Variants in RCBTB2 observed in about 807,000 individuals in gnomAD.
RCBTB2 encodes RCC1 and BTB domain containing protein 2, also known as RCC1 and BTB domain-containing protein 2.
Under a neutral mutation model 65.4 loss-of-function variants are expected in RCBTB2, and 55 were observed. That is an observed-to-expected ratio of 0.84 (90% CI 0.68 to 1.05). The LOEUF is 1.05. Ranked by LOEUF, RCBTB2 falls within the 50% of genes least tolerant of loss-of-function variation. The probability of loss-of-function intolerance (pLI) is 0.00; values close to 1 mark genes in which losing one functional copy is unlikely to be tolerated. For missense variants in RCBTB2, 599 were observed against 680.1 expected, an observed-to-expected ratio of 0.88 and a Z score of 1.33; for synonymous variants, 220 against 255.2, an observed-to-expected ratio of 0.86 and a Z score of 1.31.
intron 13 of RCBTB2, among the ~76,000 whole-genome samples, chr13:48,497,676 G>GTAA (rs1950039628): frequency 6.6e-6 from 1 of 152,122 alleles, no homozygotes; most frequent in Non-Finnish European, 1.5e-5. Flanking sequence ...TAAAGAGCAG[G>GTAA]GATTTCATCA....
At chr13:48,525,469 C>A (rs1951675750) in intron 1 of RCBTB2, among the ~76,000 whole-genome samples, 1 of 145,438 alleles carries the variant, frequency 6.9e-6, no homozygotes, top group South Asian at 2.2e-4. Context: ...AATTCTTACT[C>A]CTCCTACATG....
In RCBTB2 at chr13:48,511,829, T is replaced by C. The variant is rs748596986; in HGVS notation, c.724A>G (p.Ser242Gly). 1 of 1,614,210 alleles carries C rather than the reference T, an allele frequency of 6.2e-7. No homozygotes were observed. The highest frequency in any genetic ancestry group is 8.5e-7 in the Non-Finnish European group (1 of 1,180,028). Residue 242 changes from serine to glycine, a missense_variant, in exon 9 of 15, where the codon AGT becomes GGT. Ser to Gly is a moderately conservative substitution (Grantham distance 56). Transcript: ENST00000344532. ...CTGCAAGGGGTTGGCTGGTTGCCAC[T>C]GTTGCCGAGTCCAAGCTGCCCGTTT... ...NGNGQLGLGN[S>G]GNQPTPCRVA...
chr13:48,511,460 A>G (rs1198895805), intron 9 of RCBTB2, among the ~76,000 whole-genome samples: 1 of 152,162 alleles, frequency 6.6e-6, no homozygotes, highest in African/African-American at 2.4e-5. Flanking sequence ...CAGTTACAGG[A>G]ATTGTTGGTT....
In RCBTB2 at chr13:48,501,742, C is replaced by A. The variant is rs756972614; in HGVS notation, c.1244G>T (p.Arg415Leu). The change falls in exon 12 of 15, where the codon CGA becomes CTA. Residue 415 changes from arginine (R) to leucine (L), a missense_variant and splice_region_variant. By Grantham distance (102) the Arg-to-Leu change is moderately radical (BLOSUM62 -2). Transcript: ENST00000344532. ...AATTCTCAAATAAATGATTCCTTAC[C>A]GAATCTTGAGAAGGACTTTATGTGC... ...IYAHKVLLKIRCEHFRSSLED... is the reference protein window; with the variant it reads ...IYAHKVLLKILCEHFRSSLED... 1 of 1,608,290 alleles carries A rather than the reference C, an allele frequency of 6.2e-7. No homozygotes were observed. Among genetic ancestry groups the A allele is most frequent in the Non-Finnish European group, 8.5e-7 (1 of 1,176,006 alleles).
In RCBTB2 at chr13:48,522,298, A is replaced by C; in HGVS notation, c.-24+10T>G. The stretch of plus-strand genomic sequence containing the variant: ...TGACTTCCTGTGATAAGGAAAAATA[A>C]ATTTTAGACCTTTGTCAACTTTTCT... On this transcript the variant is annotated intron_variant, in intron 3 of 14. Coordinates refer to ENST00000344532, the MANE Select transcript of RCBTB2 (RefSeq NM_001268.4). The C allele has an allele frequency of 2.7e-6, 4 of 1,499,254 alleles. No individual in the cohort carries two copies. The highest frequency in any genetic ancestry group is 3.6e-6 in the Non-Finnish European group (4 of 1,114,112). The allele number at this position is 1,499,254 out of a possible 1,614,324, so 92.9% of individuals were successfully genotyped here. A position where few individuals can be genotyped will look rare whatever the true frequency, so the allele number is the denominator to read the frequency against.
chr13:48,497,946 G>A (rs967454653), intron 13 of RCBTB2, among the ~76,000 whole-genome samples: 4 of 152,168 alleles, frequency 2.6e-5, no homozygotes, highest in African/African-American at 9.7e-5. Context: ...CCTCCTCCAC[G>A]CACACCTTCA....
chr13:48,524,934 A>C (rs187506260), intron 1 of RCBTB2, among the ~76,000 whole-genome samples, 177 bp from the exon 2 acceptor site: 1 of 152,180 alleles, frequency 6.6e-6, no homozygotes, highest in Non-Finnish European at 1.5e-5. Flanking sequence ...TAAAAATACT[A>C]AAGTTATAAA....
chr13:48,503,526 G>A (rs1566277019), intron 10 of RCBTB2, among the ~76,000 whole-genome samples: 2 of 150,372 alleles, frequency 1.3e-5, no homozygotes, highest in South Asian at 4.2e-4. Context: ...GATTGATGAG[G>A]AGGTAATTCT....
In RCBTB2 at chr13:48,510,753, G is replaced by A; in HGVS notation, c.802C>T (p.His268Tyr). ...CCTTCATCTGTTAATACTAATGTGT[G>A]TGCGTAGCCACAGGCGACCTGGAAG... ...RVQRVACGYA[H>Y]TLVLTDEGQV... The change falls in exon 10 of 15, where the codon CAC (histidine) becomes TAC (tyrosine). Residue 268 changes from histidine (H) to tyrosine (Y), a missense_variant. Transcript: ENST00000344532. The A allele has an allele frequency of 1.2e-6, 2 of 1,612,602 alleles. No homozygotes were observed. Among genetic ancestry groups the A allele is most frequent in the Non-Finnish European group, 8.5e-7 (1 of 1,178,760 alleles).
At chr13:48,507,388 G>A (rs1950557615) in intron 10 of RCBTB2, among the ~76,000 whole-genome samples, 2 of 152,170 alleles carry the variant, frequency 1.3e-5, no homozygotes, top group African/African-American at 2.4e-5. Flanking sequence ...CCAGACATGC[G>A]ACAGACAATG....
At chr13:48,491,893 G>A (rs926762483) in intron 14 of RCBTB2, among the ~76,000 whole-genome samples, 7 of 152,174 alleles carry the variant, frequency 4.6e-5, no homozygotes, top group Admixed American at 3.3e-4. Flanking sequence ...AATTGGCATA[G>A]GGTGGTGGTA....
At chr13:48,534,597 GT>G (rs1952332262), upstream of RCBTB2, among the ~76,000 whole-genome samples, 1 of 152,178 alleles carries the variant, frequency 6.6e-6, no homozygotes, top group African/African-American at 2.4e-5. Flanking sequence ...ATGTCTTAGT[GT>G]TTTGAAAACT....
intron 6 of RCBTB2, among the ~76,000 whole-genome samples, chr13:48,514,468 A>AT (rs1950976074): frequency 6.6e-6 from 1 of 152,272 alleles, no homozygotes; most frequent in Non-Finnish European, 1.5e-5. Flanking sequence ...AAAACCAAGG[A>AT]TAACGGGAGA....
At chr13:48,518,472 A>AAAAATAT (rs1491137365) in intron 4 of RCBTB2, among the ~76,000 whole-genome samples, 41 of 116,590 alleles carry the variant, frequency 3.5e-4, no homozygotes, top group African/African-American at 5.3e-4. Flanking sequence ...AAAAAAAAAA[A>AAAAATAT]ATATATATAT....
chr13:48,507,530 A>G (rs1950565406), intron 10 of RCBTB2, among the ~76,000 whole-genome samples: 1 of 152,232 alleles, frequency 6.6e-6, no homozygotes, highest in African/African-American at 2.4e-5. Context: ...CCTTGAGGGA[A>G]TGATCAACAA....
chr13:48,535,738 C>T (rs771756567), upstream of RCBTB2: 30 of 456,612 alleles, frequency 6.6e-5, no homozygotes, highest in Admixed American at 1.2e-4. Context: ...TTGAAGCATT[C>T]ATCTTCTTCT....
intron 10 of RCBTB2, among the ~76,000 whole-genome samples, chr13:48,503,332 T>C (rs1484749400): frequency 6.6e-6 from 1 of 152,206 alleles, no homozygotes; most frequent in Non-Finnish European, 1.5e-5. Flanking sequence ...TCATCTGGAC[T>C]GAGGGCCAAT....
chr13:48,518,472 A>AAAATATAT lies in RCBTB2; in HGVS notation c.43-2732_43-2731insATATATTT, dbSNP rs1491137365. Among the ~76,000 whole-genome samples, 250 of 116,560 alleles carry AAAATATAT rather than the reference A, an allele frequency of 2.1e-3. 2 individuals carry two copies. The highest frequency in any genetic ancestry group is 9.0e-3 in the African/African-American group (239 of 26,536). 76.5% of individuals were successfully genotyped at this position (116,560 alleles called of 152,430 possible). A position where few individuals can be genotyped will look rare whatever the true frequency, so the allele number is the denominator to read the frequency against. On this transcript the variant is annotated intron_variant, in intron 4 of 14. Transcript: ENST00000344532. The stretch of plus-strand genomic sequence containing the variant: ...AGAGTACTTTGCAAAAAAAAAAAAA[A>AAAATATAT]ATATATATATATATATATATATATT...
At chr13:48,527,807 A>G (rs1441544840) in intron 1 of RCBTB2, among the ~76,000 whole-genome samples, 1 of 152,210 alleles carries the variant, frequency 6.6e-6, no homozygotes, top group African/African-American at 2.4e-5. Flanking sequence ...ACACTTTTAA[A>G]AACTACACAG....
Sources: gnomAD v4.1 joint callset for allele counts (sites outside exome capture counted in the v4.1 genomes callset) on GRCh38, gnomAD v4.1.1 for gene constraint, MANE v1.5 for transcripts, NCBI Gene and HGNC (gene_info 2026-07-23, HGNC 2026-07-21) for gene names.